The following ENTREP2 variants were observed in gnomAD, a reference collection of about 807,000 sequenced individuals.
ENTREP2 encodes the protein endosomal transmembrane epsin interactor 2.
the ENTREP2 span, among the ~76,000 whole-genome samples, chr15:29,478,835 G>A: frequency 6.6e-6 from 1 of 150,916 alleles, no homozygotes; most frequent in Non-Finnish European, 1.5e-5. Context: ...AACCGGGGAG[G>A]CGGAGGTTGC....
chr15:29,477,804 T>C, the ENTREP2 span, among the ~76,000 whole-genome samples: 1 of 151,876 alleles, frequency 6.6e-6, no homozygotes, highest in Non-Finnish European at 1.5e-5. Flanking sequence ...CACGTGGGCA[T>C]GAGCGTTCCC....
chr15:29,648,986 C>T, the ENTREP2 span, among the ~76,000 whole-genome samples: 2 of 151,484 alleles, frequency 1.3e-5, no homozygotes, highest in Non-Finnish European at 2.9e-5. Flanking sequence ...TAACCTTTCA[C>T]CCAAAGTTGA....
At chr15:29,655,374 T>C in the ENTREP2 span, among the ~76,000 whole-genome samples, 1 of 152,304 alleles carries the variant, frequency 6.6e-6, no homozygotes, top group Middle Eastern at 3.4e-3. Flanking sequence ...AAATATCACC[T>C]ATATTGACTC....
At chr15:29,446,377 C>A in the ENTREP2 span, among the ~76,000 whole-genome samples, 3 of 152,130 alleles carry the variant, frequency 2.0e-5, no homozygotes, top group Admixed American at 1.3e-4. Flanking sequence ...CTAGGTGGTT[C>A]TTGGAAGGTT....
chr15:29,305,598 C>T, the ENTREP2 span, among the ~76,000 whole-genome samples: 6,202 of 152,028 alleles, frequency 0.041, 406 homozygotes, highest in African/African-American at 0.14. Flanking sequence ...GAGGGAGTGG[C>T]GAGAGTCAAG....
the ENTREP2 span, among the ~76,000 whole-genome samples, chr15:29,398,928 T>C: frequency 6.6e-6 from 1 of 151,976 alleles, no homozygotes; most frequent in Non-Finnish European, 1.5e-5. Context: ...ATCAGTTTGC[T>C]GTTGAGTTCA....
chr15:29,500,339 G>C, the ENTREP2 span, among the ~76,000 whole-genome samples: 1 of 151,868 alleles, frequency 6.6e-6, no homozygotes, highest in Non-Finnish European at 1.5e-5. Flanking sequence ...AACATATATT[G>C]GGCCAAAAAA....
At chr15:29,128,687 G>T in the ENTREP2 span, 1 of 916,520 alleles carries the variant, frequency 1.1e-6, no homozygotes, top group Non-Finnish European at 1.8e-6. Context: ...GGGAGGAGGA[G>T]GAAAAAGAGA....
the ENTREP2 span, among the ~76,000 whole-genome samples, chr15:29,262,100 G>C: frequency 6.9e-6 from 1 of 144,124 alleles, no homozygotes; most frequent in African/African-American, 2.5e-5. Flanking sequence ...AAAAAAGGGC[G>C]AAGGCAAAAA....
At chr15:29,364,053 T>G in the ENTREP2 span, among the ~76,000 whole-genome samples, 1 of 152,194 alleles carries the variant, frequency 6.6e-6, no homozygotes, top group East Asian at 1.9e-4. Context: ...GAACCCTCTT[T>G]TTTTTGAGAG....
chr15:29,422,877 G>A, the ENTREP2 span, among the ~76,000 whole-genome samples: 1 of 152,168 alleles, frequency 6.6e-6, no homozygotes, highest in South Asian at 2.1e-4. Flanking sequence ...GAGAGTTTGG[G>A]ACATTGTGGC....
the ENTREP2 span, among the ~76,000 whole-genome samples, chr15:29,141,300 T>C: frequency 6.6e-6 from 1 of 152,202 alleles, no homozygotes; most frequent in Non-Finnish European, 1.5e-5. Flanking sequence ...CCACAGGATG[T>C]GAGCACATTT....
At chr15:29,136,474 A>C in the ENTREP2 span, 1 of 1,548,520 alleles carries the variant, frequency 6.5e-7, no homozygotes, top group Non-Finnish European at 8.7e-7. Context: ...TGCCGAATGG[A>C]GACGGAGCAA....
the ENTREP2 span, among the ~76,000 whole-genome samples, chr15:29,343,051 G>T: frequency 1.3e-5 from 2 of 149,492 alleles, no homozygotes; most frequent in Admixed American, 1.3e-4. Context: ...CTTCGGTCCA[G>T]ATTTAGAAAG....
the ENTREP2 span, among the ~76,000 whole-genome samples, chr15:29,248,481 T>C: frequency 1.3e-5 from 2 of 152,114 alleles, no homozygotes; most frequent in Admixed American, 1.3e-4. Context: ...TAAAGAGCTC[T>C]TATAAATCAT....
the ENTREP2 span, among the ~76,000 whole-genome samples, chr15:29,517,159 C>G: frequency 6.6e-6 from 1 of 152,052 alleles, no homozygotes; most frequent in Non-Finnish European, 1.5e-5. Flanking sequence ...AGCGGGGGAG[C>G]AGCGGAGAGC....
the ENTREP2 span, among the ~76,000 whole-genome samples, chr15:29,417,422 A>T: frequency 1.3e-5 from 2 of 152,116 alleles, no homozygotes; most frequent in Non-Finnish European, 2.9e-5. Context: ...GCATGTTCTC[A>T]CTCAGGTGGG....
At chr15:29,401,652 G>C in the ENTREP2 span, among the ~76,000 whole-genome samples, 1 of 152,124 alleles carries the variant, frequency 6.6e-6, no homozygotes, top group Non-Finnish European at 1.5e-5. Context: ...TTTCAATCCT[G>C]GGAATTTAAC....
the ENTREP2 span, among the ~76,000 whole-genome samples, chr15:29,424,969 C>G: frequency 1.3e-5 from 2 of 152,154 alleles, no homozygotes; most frequent in Non-Finnish European, 2.9e-5. Context: ...AGACAGATGA[C>G]AGATCTGCAA....
Sources: gnomAD v4.1 joint callset for allele counts (sites outside exome capture counted in the v4.1 genomes callset) on GRCh38, gnomAD v4.1.1 for gene constraint, MANE v1.5 for transcripts, NCBI Gene and HGNC (gene_info 2026-07-23, HGNC 2026-07-21) for gene names.